The following C10orf67 variants were observed in gnomAD, a reference collection of about 807,000 sequenced individuals.
The protein encoded by C10orf67 is uncharacterized protein C10orf67, mitochondrial.
Under a neutral mutation model 35.6 loss-of-function variants are expected in C10orf67, and 60 were observed. The ratio of observed to expected loss-of-function variants is 1.68; its 90% confidence interval spans 1.37 to 2.09. C10orf67 has a LOEUF of 2.09. C10orf67 is among the 30% of genes most tolerant of loss of function. The pLI is 0.00. For missense variants in C10orf67, 474 were observed against 330.2 expected (o/e 1.44, Z -3.38); for synonymous variants, 167 against 115.8 (o/e 1.44, Z -2.84).
chr10:23,285,690 A>G (rs1252448157), intron 7 of C10orf67, among the ~76,000 whole-genome samples: 1 of 152,238 alleles, frequency 6.6e-6, no homozygotes, highest in Non-Finnish European at 1.5e-5. Flanking sequence ...ATTTGTATTC[A>G]GATTTCATAA....
intron 13 of C10orf67, among the ~76,000 whole-genome samples, chr10:23,236,728 T>C (rs1234816471): frequency 6.6e-6 from 1 of 151,844 alleles, no homozygotes; most frequent in African/African-American, 2.4e-5. Context: ...AATACAAAAA[T>C]TAGCCAGGCT....
chr10:23,250,362 A>G (rs1469903177), intron 12 of C10orf67, 93 bp downstream of exon 12: 1 of 396,584 alleles, frequency 2.5e-6, no homozygotes, highest in Non-Finnish European at 4.4e-6. Context: ...GTGATTTAAC[A>G]TTAGTATGTA....
chr10:23,344,674 C>A lies in C10orf67; in HGVS notation c.101G>T (p.Arg34Leu). The A allele has an allele frequency of 2.5e-6, 4 of 1,579,884 alleles. No individual in the cohort carries two copies. Among genetic ancestry groups the A allele is most frequent in the Non-Finnish European group, 2.6e-6 (3 of 1,163,330 alleles). Residue 34 changes from arginine to leucine, a missense_variant, in exon 1 of 16, where the codon CGC becomes CTC. Transcript: ENST00000636213. ...GGCCTTGGCTTTCATGGCCTCCCAG[C>A]GTGTGCCAAAGGTCCCCCTCAAGGA... The part of the protein sequence containing the change: ...SSSLRGTFGT[R>L]WEAMKAKATE...
chr10:23,243,960 G>C (rs1842249398), intron 12 of C10orf67, among the ~76,000 whole-genome samples: 1 of 152,154 alleles, frequency 6.6e-6, no homozygotes. Flanking sequence ...GGCATGAACA[G>C]GGCTTACGGC....
chr10:23,263,413 A>G (rs1485201123), intron 10 of C10orf67, among the ~76,000 whole-genome samples: 1 of 152,164 alleles, frequency 6.6e-6, no homozygotes, highest in African/African-American at 2.4e-5. Flanking sequence ...TTAAATCACT[A>G]GCTTGCAAGG....
At chr10:23,224,975 C>T (rs1298809460) in intron 13 of C10orf67, among the ~76,000 whole-genome samples, 3 of 152,112 alleles carry the variant, frequency 2.0e-5, no homozygotes, top group African/African-American at 4.8e-5. Flanking sequence ...ACTTCCCCAA[C>T]CTAGCAAGGC....
At chr10:23,230,745 A>ACC (rs201544450) in intron 13 of C10orf67, among the ~76,000 whole-genome samples, 1 of 62,080 alleles carries the variant, frequency 1.6e-5, no homozygotes, top group African/African-American at 2.2e-4. Flanking sequence ...AAAATTATAA[A>ACC]CACACACATA....
chr10:23,324,988 G>A (rs1845124713), intron 2 of C10orf67, among the ~76,000 whole-genome samples: 2 of 151,956 alleles, frequency 1.3e-5, no homozygotes. Flanking sequence ...ACAGTGTTTG[G>A]GTGGGGTCCC....
chr10:23,206,014 T>A (rs1031119204), intron 15 of C10orf67, among the ~76,000 whole-genome samples: 1 of 152,262 alleles, frequency 6.6e-6, no homozygotes, highest in African/African-American at 2.4e-5. Flanking sequence ...TCAAAAGCAC[T>A]GATCTCGCCA....
chr10:23,247,777 A>C (rs1319423257), intron 12 of C10orf67, among the ~76,000 whole-genome samples: 1 of 152,212 alleles, frequency 6.6e-6, no homozygotes, highest in Non-Finnish European at 1.5e-5. Context: ...CAAGGGAATG[A>C]TAAGCATTCA....
chr10:23,314,660 T>C (rs1039170996), intron 4 of C10orf67, among the ~76,000 whole-genome samples: 7 of 152,122 alleles, frequency 4.6e-5, no homozygotes, highest in Non-Finnish European at 7.4e-5. Context: ...AAGGATCTGC[T>C]TCCAAGCTCA....
At chr10:23,210,659 A>G (rs1255449431) in intron 15 of C10orf67, among the ~76,000 whole-genome samples, 4 of 152,118 alleles carry the variant, frequency 2.6e-5, no homozygotes, top group Admixed American at 2.6e-4. Flanking sequence ...GCCTCAAGTG[A>G]TCTGCCCAAC....
chr10:23,338,900 C>T (rs7898413), intron 1 of C10orf67, among the ~76,000 whole-genome samples: 86,864 of 152,022 alleles, frequency 0.57, 26,061 homozygotes, highest in East Asian at 0.86. Flanking sequence ...CACACACCTG[C>T]ACTGCCAGCA....
At chr10:23,204,952 G>A (rs756276110) in intron 15 of C10orf67, among the ~76,000 whole-genome samples, 10 of 152,206 alleles carry the variant, frequency 6.6e-5, no homozygotes, top group Admixed American at 1.3e-4. Flanking sequence ...AGCCGGGAGC[G>A]TGGAGAAGGC....
At chr10:23,260,535 A>G (rs775991251) in intron 10 of C10orf67, among the ~76,000 whole-genome samples, 6 of 152,222 alleles carry the variant, frequency 3.9e-5, no homozygotes, top group Non-Finnish European at 7.3e-5. Flanking sequence ...TTAATTTTTG[A>G]AGCATATAAC....
At chr10:23,298,201 G>C (rs1012587049) in intron 5 of C10orf67, among the ~76,000 whole-genome samples, 13 of 152,160 alleles carry the variant, frequency 8.5e-5, no homozygotes, top group Admixed American at 8.5e-4. Context: ...CTTGCAGTGA[G>C]CCGAGATGGC....
At chr10:23,284,261 A>G (rs754058253) in intron 7 of C10orf67, among the ~76,000 whole-genome samples, 2 of 149,036 alleles carry the variant, frequency 1.3e-5, no homozygotes, top group African/African-American at 2.5e-5. Flanking sequence ...GATTCTTCCT[A>G]TATAGTTTCA....
chr10:23,308,799 C>T (rs1470539657), intron 4 of C10orf67, among the ~76,000 whole-genome samples: 1 of 152,130 alleles, frequency 6.6e-6, no homozygotes, highest in East Asian at 1.9e-4. Context: ...TAAGATAATG[C>T]ATGTAAGCAA....
chr10:23,253,818 C>A (rs1294453779), intron 10 of C10orf67, among the ~76,000 whole-genome samples: 2 of 152,080 alleles, frequency 1.3e-5, no homozygotes, highest in Non-Finnish European at 2.9e-5. Context: ...ATTATTCAAT[C>A]TCTTCAAAAG....
Sources: gnomAD v4.1 joint callset for allele counts (sites outside exome capture counted in the v4.1 genomes callset) on GRCh38, gnomAD v4.1.1 for gene constraint, MANE v1.5 for transcripts, NCBI Gene and HGNC (gene_info 2026-07-23, HGNC 2026-07-21) for gene names.